NLRP2: variants seen among roughly 807,000 people sequenced by gnomAD.
NLRP2 encodes the protein NACHT, LRR and PYD domains-containing protein 2.
In NLRP2, 107 loss-of-function variants were observed where a neutral mutation model predicts 97.2. That is an observed-to-expected ratio of 1.10 (90% CI 0.94 to 1.29). The LOEUF (loss-of-function observed/expected upper bound fraction) is 1.29. NLRP2 is among the 50% of genes most tolerant of loss of function. The probability of loss-of-function intolerance (pLI) is 0.00; values close to 1 mark genes in which losing one functional copy is unlikely to be tolerated. For synonymous variants in NLRP2, 663 were observed against 551.5 expected (o/e 1.20, Z -2.83); for missense variants, 1,495 against 1,330.3 (o/e 1.12, Z -1.93).
chr19:54,972,291 C>G (rs572843262), intron 2 of NLRP2, among the ~76,000 whole-genome samples: 58 of 152,034 alleles, frequency 3.8e-4, no homozygotes, highest in Non-Finnish European at 6.9e-4. Context: ...AAGTGTTTCT[C>G]CTGCATCAGC....
chr19:54,967,010 CTAA>C (rs1014999060), intron 1 of NLRP2, among the ~76,000 whole-genome samples: 10 of 151,500 alleles, frequency 6.6e-5, no homozygotes, highest in South Asian at 2.1e-4. Context: ...TCTGTTCTGG[CTAA>C]TAATATTATT....
At chr19:54,969,151 T>C (rs925466378) in intron 1 of NLRP2, among the ~76,000 whole-genome samples, 1 of 152,134 alleles carries the variant, frequency 6.6e-6, no homozygotes, top group African/African-American at 2.4e-5. Flanking sequence ...GTTTTCGCTT[T>C]ATAGGTTAAC....
chr19:54,994,325 A>C lies in NLRP2; in HGVS notation c.2765A>C (p.Gln922Pro). Residue 922 changes from glutamine (Q) to proline (P), a missense_variant, in exon 11 of 13, where the codon CAA (glutamine) becomes CCA (proline). Coordinates refer to ENST00000448584, the MANE Select transcript of NLRP2 (RefSeq NM_017852.5). Reference protein sequence around the residue: ...DGCCDLTKLLQEKSSLLCLDL... With the variant: ...DGCCDLTKLLPEKSSLLCLDL... The stretch of plus-strand genomic sequence containing the variant: ...TGCTGCGATCTCACAAAGCTTCTCC[A>C]AGAAAAATCAAGCCTGTTGTGTTTG... The C allele has an allele frequency of 6.2e-7, 1 of 1,614,154 alleles. No individual in the cohort carries two copies. The highest frequency in any genetic ancestry group is 8.5e-7 in the Non-Finnish European group (1 of 1,180,018).
intron 12 of NLRP2, 81 bp from the exon 13 acceptor site, chr19:55,000,679 A>C: frequency 6.8e-7 from 1 of 1,480,280 alleles, no homozygotes; most frequent in Non-Finnish European, 9.4e-7. Context: ...TGCCTCCTTA[A>C]CAGACTTTCA....
chr19:54,971,562 CTGA>C lies in NLRP2; in HGVS notation c.280+1270_280+1272del, dbSNP rs1243822414. Among the ~76,000 whole-genome samples, 4 of 151,792 alleles carry C rather than the reference CTGA, an allele frequency of 2.6e-5. No homozygotes were observed. The South Asian group carries it at 6.2e-4, about 24-fold the overall frequency. On this transcript the variant is annotated intron_variant, in intron 2 of 12. Transcript: ENST00000448584. Reference sequence around the variant, plus strand: ...CATAGTGGTTTTGATTTGCATTTCTCTGATGGCCAGTGATGATGAGCATTTTTT... The same window carrying C: ...CATAGTGGTTTTGATTTGCATTTCTCTGGCCAGTGATGATGAGCATTTTTT...
chr19:54,983,847 A>G (rs11672206), intron 6 of NLRP2, 119 bp downstream of exon 6: 283,129 of 1,390,132 alleles, frequency 0.2, 32,414 homozygotes, highest in Non-Finnish European at 0.24. Context: ...CTCTTGTTGG[A>G]CTCTTTGTTT....
chr19:54,972,269 C>A (rs889655771), intron 2 of NLRP2, among the ~76,000 whole-genome samples: 2 of 152,032 alleles, frequency 1.3e-5, no homozygotes, highest in African/African-American at 4.8e-5. Context: ...GCAACTCCCG[C>A]CCCCTGGGTT....
intron 11 of NLRP2, among the ~76,000 whole-genome samples, chr19:54,995,479 G>A (rs1295823899): frequency 6.6e-6 from 1 of 151,824 alleles, no homozygotes; most frequent in Non-Finnish European, 1.5e-5. Flanking sequence ...AGCTACTTGG[G>A]AGGCTGAGGC....
intron 4 of NLRP2, among the ~76,000 whole-genome samples, chr19:54,981,050 G>A (rs1435099318): frequency 6.6e-6 from 1 of 152,130 alleles, no homozygotes; most frequent in Non-Finnish European, 1.5e-5. Context: ...GGCGGAGGTT[G>A]CAGTGAGCTG....
At chr19:54,991,271 C>G (rs2072458825) in intron 10 of NLRP2, 1 of 158,848 alleles carries the variant, frequency 6.3e-6, no homozygotes. Context: ...GACACGTGGC[C>G]TGGCATAGTG....
chr19:54,985,618 C>T (rs1447403674), intron 7 of NLRP2, among the ~76,000 whole-genome samples: 3 of 137,858 alleles, frequency 2.2e-5, no homozygotes, highest in Non-Finnish European at 3.0e-5. Flanking sequence ...GCGGAGGTTG[C>T]AGTGAACCAA....
rs750606144 is a variant in NLRP2, at chr19:54,970,237, G to A, written c.222G>A (p.Gln74=). 2.5e-6 allele frequency: 4 copies of A among 1,614,052 alleles called. No homozygotes were observed. Among genetic ancestry groups the A allele is most frequent in the South Asian group, 1.1e-5 (1 of 91,092 alleles). ...ACTGGGTGGAGATGGCGAGCCTCCA[G>A]GTCTTTGAAAAGATGCACCGAATGG... is the stretch of plus-strand genomic sequence containing the variant. ...DSYWVEMASL[Q]VFEKMHRMDL... The change falls in exon 2 of 13, where the codon CAG becomes CAA. Residue 74 remains glutamine, a synonymous_variant. Coordinates refer to ENST00000448584, the MANE Select transcript of NLRP2 (RefSeq NM_017852.5).
intron 7 of NLRP2, among the ~76,000 whole-genome samples, chr19:54,985,795 A>G (rs1397261262): frequency 6.6e-6 from 1 of 152,126 alleles, no homozygotes; most frequent in African/African-American, 2.4e-5. Flanking sequence ...CAGGAGTTCA[A>G]GACCAGCCTG....
At chr19:54,984,955 C>A (rs2071950924) in intron 6 of NLRP2, 92 bp from the exon 7 acceptor site, 2 of 1,199,026 alleles carry the variant, frequency 1.7e-6, no homozygotes, top group African/African-American at 1.5e-5. Flanking sequence ...CAATTGTACT[C>A]ATTTGTCAGG....
At chr19:54,984,995 T>G (rs2071953106) in intron 6 of NLRP2, 52 bp from the exon 7 acceptor site, 2 of 1,582,734 alleles carry the variant, frequency 1.3e-6, no homozygotes, top group Admixed American at 3.3e-5. Context: ...CCTAAATACT[T>G]CAGCCGTGAT....
chr19:54,996,392 C>G (rs2072826812), intron 11 of NLRP2, among the ~76,000 whole-genome samples: 1 of 152,004 alleles, frequency 6.6e-6, no homozygotes, highest in Non-Finnish European at 1.5e-5. Context: ...TAGCTATAAT[C>G]TCATCTACTT....
chr19:54,997,706 CGG>C (rs776981739), intron 12 of NLRP2, among the ~76,000 whole-genome samples: 1 of 151,740 alleles, frequency 6.6e-6, no homozygotes, highest in Non-Finnish European at 1.5e-5. Flanking sequence ...CCGCCCGCCT[CGG>C]CCTCCCAAAG....
chr19:54,990,625 T>C lies in NLRP2; in HGVS notation c.2661T>C (p.Phe887=), dbSNP rs1347784566. Residue 887 remains phenylalanine (F), a synonymous_variant, in exon 10 of 13, where the codon TTT becomes TTC. Transcript: ENST00000448584. ...CCATTGGGAATACAGGGGTGAAGTT[T>C]CTGTGTGAGGGCTTGAGGTACCCCG... The part of the protein sequence containing the change: ...KNPIGNTGVK[F]LCEGLRYPEC... 2.5e-6 allele frequency: 4 copies of C among 1,614,008 alleles called. No individual in the cohort carries two copies. Among genetic ancestry groups the C allele is most frequent in the East Asian group, 2.2e-5 (1 of 44,892 alleles).
intron 11 of NLRP2, 25 bp from the exon 12 acceptor site, chr19:54,997,292 C>G (rs905609005): frequency 6.2e-7 from 1 of 1,611,412 alleles, no homozygotes; most frequent in Non-Finnish European, 8.5e-7. Context: ...GCTGCATTAA[C>G]GTGTTGATTT....
Sources: allele counts gnomAD v4.1 joint callset (sites outside exome capture counted in the v4.1 genomes callset), GRCh38; gene constraint gnomAD v4.1.1; transcripts MANE v1.5; gene names NCBI Gene and HGNC (gene_info 2026-07-23, HGNC 2026-07-21).